DICER1: variants seen among roughly 807,000 people sequenced by gnomAD.
DICER1 encodes dicer 1, ribonuclease III, also known as endoribonuclease Dicer.
In DICER1, 43 loss-of-function variants were observed where a neutral mutation model predicts 194.1. That is an observed-to-expected ratio of 0.22 (90% CI 0.17 to 0.29). The LOEUF is 0.29. DICER1 is among the 10% of genes least tolerant of loss of function. The pLI is 1.00. For synonymous variants in DICER1, 832 were observed against 820.5 expected, an observed-to-expected ratio of 1.01 and a Z score of -0.24; for missense variants, 1,608 against 2,317.0, an observed-to-expected ratio of 0.69 and a Z score of 6.28.
intron 2 of DICER1, 62 bp downstream of exon 2, chr14:95,133,253 C>G (rs988389292): frequency 6.4e-7 from 1 of 1,569,288 alleles, no homozygotes; most frequent in Non-Finnish European, 8.8e-7. Context: ...GTTGTGTCAA[C>G]TATATGCTAA....
chr14:95,156,899 C>T (rs1895917265), intron 1 of DICER1, among the ~76,000 whole-genome samples: 1 of 152,164 alleles, frequency 6.6e-6, no homozygotes, highest in African/African-American at 2.4e-5. Flanking sequence ...TGTCAAGAGC[C>T]CCAGGCCTCG....
chr14:95,099,090 T>G (rs1416389220), intron 22 of DICER1, among the ~76,000 whole-genome samples: 1 of 152,228 alleles, frequency 6.6e-6, no homozygotes, highest in Admixed American at 6.5e-5. Flanking sequence ...TGAAACTGTC[T>G]GAAGCATTGC....
At position 95,103,597 on chromosome 14, in the gene DICER1, T is replaced by G; in HGVS notation, c.3799A>C (p.Thr1267Pro). 3 of 1,614,214 alleles carry G rather than the reference T, an allele frequency of 1.9e-6. No homozygotes were observed. The highest frequency in any genetic ancestry group is 2.5e-6 in the Non-Finnish European group (3 of 1,180,032). ...ATCCTGCCCTTGAGCACTTGAATAG[T>G]GTCTGTCGTACCAGGCATTACGGCC... ...VMAVMPGTTD[T>P]IQVLKGRMDS... is the part of the protein sequence containing the mutation. Residue 1267 changes from threonine (T) to proline (P), a missense_variant, in exon 21 of 27, where the codon ACT (threonine) becomes CCT (proline). Coordinates refer to ENST00000343455, the MANE Select transcript of DICER1 (RefSeq NM_177438.3).
chr14:95,119,501 C>T (rs2140154104), intron 8 of DICER1, among the ~76,000 whole-genome samples: 1 of 152,340 alleles, frequency 6.6e-6, no homozygotes, highest in South Asian at 2.1e-4. Flanking sequence ...GCCAGGCAGT[C>T]ACATCATGTG....
At position 95,091,321 on chromosome 14, in the gene DICER1, T is replaced by C. The variant is rs1060504977; in HGVS notation, c.5409A>G (p.Glu1803=). ...AAATATCCCCCATGGCCTTTGGAAC[T>C]TCAATATCCTCTTCTTTCTCTTCAT... ...EEDEEKEEDI[E]VPKAMGDIFE... is the part of the protein sequence containing the mutation. The change falls in exon 25 of 27, where the codon GAA becomes GAG. Residue 1803 remains glutamate, a synonymous_variant. Transcript: ENST00000343455. The C allele has an allele frequency of 6.2e-7, 1 of 1,614,168 alleles. No individual in the cohort carries two copies. The highest frequency in any genetic ancestry group is 8.5e-7 in the Non-Finnish European group (1 of 1,180,026).
chr14:95,116,846 G>T, intron 9 of DICER1, 151 bp from the exon 10 acceptor site: 1 of 793,456 alleles, frequency 1.3e-6, no homozygotes, highest in Non-Finnish European at 2.1e-6. Context: ...GAAGATGACA[G>T]TATCACAGAA....
chr14:95,155,476 A>G (rs1459459477), intron 1 of DICER1, among the ~76,000 whole-genome samples: 2 of 152,220 alleles, frequency 1.3e-5, no homozygotes, highest in Non-Finnish European at 2.9e-5. Flanking sequence ...ACTGTCAAAT[A>G]AGAATCATGA....
Position 95,089,049 on chromosome 14 carries a change from C to CAA in DICER1, c.*1447_*1448dup, listed in dbSNP as rs35463377. 7.7e-3 allele frequency: 1,622 copies of CAA among 209,418 alleles called. No individual in the cohort carries two copies. Among genetic ancestry groups the CAA allele is most frequent in the Middle Eastern group, 0.015 (10 of 688 alleles). 13.0% of individuals were successfully genotyped at this position (209,418 alleles called of 1,614,324 possible). On this transcript the variant is annotated 3_prime_UTR_variant, in exon 27 of 27. Coordinates refer to ENST00000343455, the MANE Select transcript of DICER1 (RefSeq NM_177438.3). Reference sequence around the variant, plus strand: ...ATTAAGAGGTATTATAGTTACAGTGCAAAAAAAAAAAAATTAAAATTTCAA... The same window carrying CAA: ...ATTAAGAGGTATTATAGTTACAGTGCAAAAAAAAAAAAAAATTAAAATTTCAA...
At chr14:95,142,125 T>A (rs1340217423) in intron 1 of DICER1, among the ~76,000 whole-genome samples, 3 of 152,090 alleles carry the variant, frequency 2.0e-5, no homozygotes, top group African/African-American at 2.4e-5. Context: ...TTTTTTATTT[T>A]TTTTTTCTAT....
rs1165221864 is a variant in DICER1, at chr14:95,093,993, G to C, written c.5259C>G (p.Asp1753Glu). The C allele has an allele frequency of 1.2e-6, 2 of 1,614,118 alleles. No homozygotes were observed. Among genetic ancestry groups the C allele is most frequent in the Admixed American group, 1.7e-5 (1 of 60,022 alleles). Reference sequence around the variant, plus strand: ...AGACAGCTTTGAAGTACTTGTGGTAGTCGTACTTTACAGCCAGCGATGCAA... The same window carrying C: ...AGACAGCTTTGAAGTACTTGTGGTACTCGTACTTTACAGCCAGCGATGCAA... Reference protein sequence around the residue: ...TIFASLAVKYDYHKYFKAVSP... With the variant: ...TIFASLAVKYEYHKYFKAVSP... Residue 1753 changes from aspartate to glutamate, a missense_variant, in exon 24 of 27, where the codon GAC becomes GAG. Physicochemically the swap from Asp to Glu is conservative, Grantham distance 45. Around this residue, in one of 10 missense-constraint regions of DICER1, gnomAD observed 138 missense variants for 298.3 expected, o/e 0.46. Coordinates refer to ENST00000343455, the MANE Select transcript of DICER1 (RefSeq NM_177438.3).
chr14:95,096,579 C>T lies in DICER1; in HGVS notation c.4341G>A (p.Gln1447=), dbSNP rs1170710396. The T allele has an allele frequency of 2.2e-5, 36 of 1,612,340 alleles. No individual in the cohort carries two copies. The highest frequency in any genetic ancestry group is 3.1e-5 in the Non-Finnish European group (36 of 1,178,906). The change falls in exon 23 of 27, where the codon CAG becomes CAA. Residue 1447 remains glutamine, a synonymous_variant. Transcript: ENST00000343455. The stretch of plus-strand genomic sequence containing the variant: ...TATTATCTATAAATCTGATATGTTC[C>T]TGATCATACTCCAGGAAATCATCTT... ...DYEDDFLEYD[Q]EHIRFIDNML...
intron 1 of DICER1, among the ~76,000 whole-genome samples, chr14:95,143,196 T>C (rs1894925116): frequency 6.6e-6 from 1 of 152,194 alleles, no homozygotes; most frequent in Non-Finnish European, 1.5e-5. Context: ...AAGTTCCTAG[T>C]AACAAAAGTG....
intron 20 of DICER1, among the ~76,000 whole-genome samples, chr14:95,104,590 T>C (rs909574944): frequency 9.2e-5 from 14 of 152,258 alleles, no homozygotes; most frequent in African/African-American, 2.7e-4. Context: ...TTTGGCACTA[T>C]AGCAACTAAC....
chr14:95,151,188 C>T (rs1028832190), intron 1 of DICER1, among the ~76,000 whole-genome samples: 11 of 152,148 alleles, frequency 7.2e-5, no homozygotes, highest in Admixed American at 2.0e-4. Context: ...AGTTAAGAGA[C>T]GTTTAAGGCA....
At position 95,099,875 on chromosome 14, in the gene DICER1, C is replaced by G. The variant is rs1276560984; in HGVS notation, c.4111G>C (p.Val1371Leu). The G allele has an allele frequency of 6.2e-7, 1 of 1,614,030 alleles. No homozygotes were observed. Residue 1371 changes from valine to leucine, a missense_variant, in exon 22 of 27, where the codon GTG becomes CTG. Transcript: ENST00000343455. ...KKKGLPSRMV[V>L]SIFDPPVNWL... ...TTCACAGGGGGATCAAATATTGACACCACCATGCGGCTGGGTAGTCCCTTC... is the reference window on the plus strand; with the variant it reads ...TTCACAGGGGGATCAAATATTGACAGCACCATGCGGCTGGGTAGTCCCTTC...
chr14:95,108,303 T>C, intron 15 of DICER1, 21 bp downstream of exon 15: 1 of 1,608,686 alleles, frequency 6.2e-7, no homozygotes, highest in South Asian at 1.1e-5. Context: ...TTGACATAAG[T>C]ACTCATTATG....
At chr14:95,154,464 T>C (rs766565503) in intron 1 of DICER1, among the ~76,000 whole-genome samples, 4 of 152,212 alleles carry the variant, frequency 2.6e-5, no homozygotes, top group Non-Finnish European at 4.4e-5. Flanking sequence ...CAAGTGGCCA[T>C]GGACAGATGA....
chr14:95,149,334 G>A (rs1330634363), intron 1 of DICER1, among the ~76,000 whole-genome samples: 1 of 152,212 alleles, frequency 6.6e-6, no homozygotes, highest in East Asian at 1.9e-4. Context: ...GTCCAGGCAA[G>A]AGTGTGACGC....
At chr14:95,143,945 GAATTTTT>G (rs1894973892) in intron 1 of DICER1, among the ~76,000 whole-genome samples, 1 of 151,992 alleles carries the variant, frequency 6.6e-6, no homozygotes, top group South Asian at 2.1e-4. Context: ...CTACATGGAG[GAATTTTT>G]AAAAATGAAA....
Sources: gnomAD v4.1 joint callset for allele counts (sites outside exome capture counted in the v4.1 genomes callset) on GRCh38, gnomAD v4.1.1 for gene constraint, gnomAD v4.1.1 regional missense constraint, MANE v1.5 for transcripts, NCBI Gene and HGNC (gene_info 2026-07-23, HGNC 2026-07-21) for gene names.